The following CPSF7 variants were observed in gnomAD, a reference collection of about 807,000 sequenced individuals.
CPSF7 encodes cleavage and polyadenylation specific factor 7.
CPSF7 carries 1 observed loss-of-function variant against 44.3 expected under a neutral mutation model. The ratio of observed to expected loss-of-function variants is 0.02; its 90% confidence interval spans 0.01 to 0.11. The LOEUF (loss-of-function observed/expected upper bound fraction) is 0.11, where lower values mean the gene tolerates loss of function less well. Among genes scored for constraint, CPSF7 ranks in the 10% least tolerant of loss-of-function variants. The probability of loss-of-function intolerance (pLI) is 1.00; values close to 1 mark genes in which losing one functional copy is unlikely to be tolerated. For synonymous variants in CPSF7, 202 were observed against 222.0 expected (o/e 0.91, Z 0.80); for missense variants, 443 against 607.2 (o/e 0.73, Z 2.84).
chr11:61,410,827 T>TC, intron 9 of CPSF7, 111 bp downstream of exon 9: 1 of 1,129,406 alleles, frequency 8.9e-7, no homozygotes, highest in South Asian at 1.7e-5. Context: ...AATCAGAAGT[T>TC]CCCCCTACCC....
At position 61,411,763 on chromosome 11, in the gene CPSF7, A is replaced by T. The variant is rs1351253698; in HGVS notation, c.1226+6T>A. On this transcript the variant is annotated splice_donor_region_variant and intron_variant, in intron 8 of 9. Coordinates refer to ENST00000439958, the MANE Select transcript of CPSF7 (RefSeq NM_001142565.3). ...CTGGTAGGTGAGGACACAATCACCA[A>T]CTCACCTGGAAGAGCTCCCACTGGC... 6.2e-7 allele frequency: 1 copy of T among 1,607,436 alleles called. No individual in the cohort carries two copies. The highest frequency in any genetic ancestry group is 8.5e-7 in the Non-Finnish European group (1 of 1,175,780).
chr11:61,428,081 AAGATATT>A (rs1208272781), intron 2 of CPSF7, among the ~76,000 whole-genome samples: 1 of 152,264 alleles, frequency 6.6e-6, no homozygotes, highest in East Asian at 1.9e-4. Context: ...TAACCCAGGC[AAGATATT>A]AGTACGTTTT....
intron 2 of CPSF7, chr11:61,426,423 C>T (rs1373599000): frequency 6.6e-6 from 1 of 152,160 alleles, no homozygotes; most frequent in Non-Finnish European, 1.5e-5. Flanking sequence ...GGGGGAAGCA[C>T]TCATCCCTCA....
At chr11:61,423,876 G>A (rs1007120613) in intron 2 of CPSF7, among the ~76,000 whole-genome samples, 7 of 152,228 alleles carry the variant, frequency 4.6e-5, no homozygotes, top group African/African-American at 7.2e-5. Flanking sequence ...CTGAAGTACA[G>A]TGGAAGAAAA....
intron 3 of CPSF7, 98 bp from the exon 4 acceptor site, chr11:61,420,671 C>G (rs536485967): frequency 2.3e-6 from 2 of 872,408 alleles, no homozygotes; most frequent in Admixed American, 2.2e-5. Context: ...TAAGTCCCCC[C>G]AGAGGAAACT....
chr11:61,425,294 T>C (rs1861248522), intron 2 of CPSF7, among the ~76,000 whole-genome samples: 1 of 152,204 alleles, frequency 6.6e-6, no homozygotes, highest in Non-Finnish European at 1.5e-5. Flanking sequence ...GAAACACAGT[T>C]AAGGGCCGGA....
chr11:61,428,287 T>C (rs184069531), intron 2 of CPSF7, among the ~76,000 whole-genome samples: 1 of 152,040 alleles, frequency 6.6e-6, no homozygotes, highest in East Asian at 1.9e-4. Context: ...GCTCAGGGAG[T>C]ACCTCTTGCC....
chr11:61,414,416 G>T (rs1413282500), intron 7 of CPSF7, among the ~76,000 whole-genome samples: 1 of 152,030 alleles, frequency 6.6e-6, no homozygotes, highest in Non-Finnish European at 1.5e-5. Context: ...CCAAAGTGCT[G>T]GGACTACAGG....
intron 9 of CPSF7, among the ~76,000 whole-genome samples, chr11:61,410,329 C>T (rs573225346): frequency 1.3e-5 from 2 of 152,300 alleles, no homozygotes; most frequent in South Asian, 4.1e-4. Context: ...AACAATCCTC[C>T]CATCTTGGCC....
chr11:61,411,045 G>C lies in CPSF7; in HGVS notation c.1287C>G (p.His429Gln), dbSNP rs1347847433. 1 of 1,613,486 alleles carries C rather than the reference G, an allele frequency of 6.2e-7. No homozygotes were observed. The highest frequency in any genetic ancestry group is 8.5e-7 in the Non-Finnish European group (1 of 1,179,916). Residue 429 changes from histidine to glutamine, a missense_variant, in exon 9 of 10, where the codon CAC becomes CAG. Transcript: ENST00000439958. ...GATCTTCATTATGAAGCAGATCCCG[G>C]TGCCTCCTGCTGCTCTCCCGGGACC... is the stretch of plus-strand genomic sequence containing the variant. ...PSRSRESSRR[H>Q]RDLLHNEDRH...
At chr11:61,411,974 A>T (rs753685822) in intron 7 of CPSF7, 37 bp from the exon 8 acceptor site, 4 of 1,590,344 alleles carry the variant, frequency 2.5e-6, no homozygotes, top group African/African-American at 1.3e-5. Context: ...AAGGGTGAGG[A>T]GAGATGGTAA....
rs560473670 is a variant in CPSF7, at chr11:61,428,168, T to C, written c.54+1014A>G. On this transcript the variant is annotated intron_variant, in intron 2 of 9. Transcript: ENST00000439958. ...AAAAACTTAACTGCATGGAAGATTA[T>C]TTCTTTGAGAGAATTTTTCTTGTGT... 3.3e-5 allele frequency among the ~76,000 whole-genome samples: 5 copies of C among 152,334 alleles called. No individual in the cohort carries two copies. The South Asian group carries it at 8.3e-4, about 25-fold the overall frequency.
chr11:61,415,475 G>C (rs1005868711), intron 7 of CPSF7, among the ~76,000 whole-genome samples, 191 bp downstream of exon 7: 3 of 152,180 alleles, frequency 2.0e-5, no homozygotes, highest in Admixed American at 6.6e-5. Context: ...CCTAGATACA[G>C]ACTAAGTAAT....
In CPSF7 at chr11:61,415,745, G is replaced by A. The variant is rs149166727; in HGVS notation, c.978C>T (p.Ala326=). 25 of 1,613,970 alleles carry A rather than the reference G, an allele frequency of 1.5e-5. No individual in the cohort carries two copies. Among genetic ancestry groups the A allele is most frequent in the East Asian group, 2.2e-5 (1 of 44,898 alleles). ...SGPPPSTVSE[A]EFEDIMKRNR... The stretch of plus-strand genomic sequence containing the variant: ...TTCGCTTCATGATATCTTCAAATTC[G>A]GCTTCACTCACTGTAGAGGGTGGAG... The change falls in exon 7 of 10, where the codon GCC becomes GCT. Residue 326 remains alanine (A), a synonymous_variant. Transcript: ENST00000439958.
At chr11:61,420,181 T>C in intron 4 of CPSF7, 87 bp from the exon 5 acceptor site, 1 of 1,145,996 alleles carries the variant, frequency 8.7e-7, no homozygotes, top group Non-Finnish European at 1.2e-6. Context: ...TAGTAAAAAT[T>C]GATAAAGCAA....
At chr11:61,425,708 T>G (rs1388122321) in intron 2 of CPSF7, among the ~76,000 whole-genome samples, 1 of 152,322 alleles carries the variant, frequency 6.6e-6, no homozygotes, top group East Asian at 1.9e-4. Flanking sequence ...AACCAAGGCT[T>G]AATCAAAAAT....
At chr11:61,415,589 T>C (rs1860248209) in intron 7 of CPSF7, 77 bp downstream of exon 7, 4 of 932,020 alleles carry the variant, frequency 4.3e-6, no homozygotes, top group African/African-American at 1.6e-5. Context: ...TGTTGAACTT[T>C]TGCCAGTAGA....
intron 7 of CPSF7, among the ~76,000 whole-genome samples, chr11:61,414,219 G>A (rs911675033): frequency 2.1e-5 from 3 of 143,028 alleles, no homozygotes; most frequent in African/African-American, 7.8e-5. Flanking sequence ...GCACAATCTC[G>A]GCTCACCACA....
In CPSF7 at chr11:61,420,340, A is replaced by G. The variant is rs1198224174; in HGVS notation, c.377+130T>C. On this transcript the variant is annotated intron_variant, in intron 4 of 9. Coordinates refer to ENST00000439958, the MANE Select transcript of CPSF7 (RefSeq NM_001142565.3). Reference sequence around the variant, plus strand: ...CTGCAGCTAGGTCCCTTTCTAAGGCAGTTTGCCAAAACCAAGGCAGTAAGC... The same window carrying G: ...CTGCAGCTAGGTCCCTTTCTAAGGCGGTTTGCCAAAACCAAGGCAGTAAGC... 9 of 833,772 alleles carry G rather than the reference A, an allele frequency of 1.1e-5. No individual in the cohort carries two copies. The Admixed American group carries it at 2.3e-4, about 21-fold the overall frequency. 51.6% of individuals were successfully genotyped at this position (833,772 alleles called of 1,614,324 possible). A position where few individuals can be genotyped will look rare whatever the true frequency, so the allele number is the denominator to read the frequency against.
Sources: gnomAD v4.1 joint callset for allele counts (sites outside exome capture counted in the v4.1 genomes callset) on GRCh38, gnomAD v4.1.1 for gene constraint, MANE v1.5 for transcripts, NCBI Gene and HGNC (gene_info 2026-07-23, HGNC 2026-07-21) for gene names.